ROBO2: variants seen among roughly 807,000 people sequenced by gnomAD.
ROBO2 encodes the protein roundabout homolog 2.
In ROBO2, 53 loss-of-function variants were observed where a neutral mutation model predicts 160.8. The observed-to-expected ratio is 0.33, with a 90% confidence interval of 0.26 to 0.41. The LOEUF (loss-of-function observed/expected upper bound fraction) is 0.41, where lower values mean the gene tolerates loss of function less well. Ranked by LOEUF, ROBO2 falls within the 10% of genes least tolerant of loss-of-function variation. ROBO2 has a pLI of 1.00. For synonymous variants in ROBO2, 664 were observed against 611.7 expected, an observed-to-expected ratio of 1.09 and a Z score of -1.26; for missense variants, 1,577 against 1,722.4, an observed-to-expected ratio of 0.92 and a Z score of 1.49.
chr3:76,331,938 C>A (rs1405266991), intron 2 of ROBO2, among the ~76,000 whole-genome samples: 2 of 152,062 alleles, frequency 1.3e-5, no homozygotes, highest in Admixed American at 6.5e-5. Context: ...CCCAGCTCGA[C>A]CTCCCAAAAT....
At chr3:76,457,250 A>G (rs185799287) in intron 2 of ROBO2, among the ~76,000 whole-genome samples, 3 of 152,318 alleles carry the variant, frequency 2.0e-5, no homozygotes, top group Non-Finnish European at 4.4e-5. Flanking sequence ...TACTTAAACA[A>G]TGGAGGTACA....
intron 2 of ROBO2, among the ~76,000 whole-genome samples, chr3:76,308,800 T>G (rs2071439008): frequency 6.6e-6 from 1 of 152,202 alleles, no homozygotes; most frequent in African/African-American, 2.4e-5. Context: ...CATTTCAATT[T>G]CCCCATCAGA....
intron 2 of ROBO2, among the ~76,000 whole-genome samples, chr3:76,144,799 A>T (rs1415450321): frequency 6.6e-6 from 1 of 152,016 alleles, no homozygotes; most frequent in African/African-American, 2.4e-5. Flanking sequence ...GACACGAAAT[A>T]TTGAATGTAC....
At chr3:77,043,078 C>T (rs535700983) in intron 1 of ROBO2, among the ~76,000 whole-genome samples, 21 of 152,258 alleles carry the variant, frequency 1.4e-4, no homozygotes, top group Admixed American at 1.0e-3. Context: ...AGTTTCTCCA[C>T]GGGGATGGTT....
At chr3:77,313,916 A>T (rs113090292) in intron 2 of ROBO2, among the ~76,000 whole-genome samples, 3 of 152,254 alleles carry the variant, frequency 2.0e-5, no homozygotes, top group African/African-American at 7.2e-5. Flanking sequence ...ATTTATTTTT[A>T]AAAAAGGTCT....
intron 21 of ROBO2, among the ~76,000 whole-genome samples, chr3:77,612,868 G>T (rs1006658378): frequency 6.6e-6 from 1 of 152,100 alleles, no homozygotes; most frequent in Non-Finnish European, 1.5e-5. Context: ...CAGGAGAATG[G>T]CGTGAACTTG....
chr3:75,915,868 C>T (rs374515444), intron 1 of ROBO2, among the ~76,000 whole-genome samples: 6 of 152,244 alleles, frequency 3.9e-5, no homozygotes, highest in African/African-American at 1.4e-4. Context: ...AGTAATTTCA[C>T]ACACTACATT....
intron 2 of ROBO2, among the ~76,000 whole-genome samples, chr3:77,293,605 G>C (rs1363945510): frequency 1.4e-5 from 2 of 144,860 alleles, no homozygotes; most frequent in African/African-American, 5.4e-5. Context: ...GATCACCCCA[G>C]ACACAAAGTA....
chr3:77,584,328 G>A (rs1463904868), intron 16 of ROBO2, among the ~76,000 whole-genome samples: 2 of 152,062 alleles, frequency 1.3e-5, no homozygotes, highest in Non-Finnish European at 2.9e-5. Context: ...CTGGTAAAGC[G>A]CCGTTCATTC....
At chr3:76,233,414 G>GA (rs1470873778) in intron 2 of ROBO2, among the ~76,000 whole-genome samples, 1 of 152,130 alleles carries the variant, frequency 6.6e-6, no homozygotes, top group Non-Finnish European at 1.5e-5. Context: ...AAGCTGCTGG[G>GA]ATGACAGTTG....
At chr3:76,109,679 T>A (rs1172430707) in intron 2 of ROBO2, among the ~76,000 whole-genome samples, 5 of 152,058 alleles carry the variant, frequency 3.3e-5, no homozygotes, top group African/African-American at 4.8e-5. Flanking sequence ...TTTTTTTATT[T>A]TTATGGATTT....
intron 6 of ROBO2, among the ~76,000 whole-genome samples, chr3:77,534,957 G>A (rs1306813649): frequency 2.0e-5 from 3 of 152,150 alleles, no homozygotes; most frequent in South Asian, 4.1e-4. Flanking sequence ...GTTTATGCAA[G>A]CAGCTTTAAA....
intron 13 of ROBO2, among the ~76,000 whole-genome samples, chr3:77,570,717 T>C (rs1289318432): frequency 2.6e-5 from 4 of 152,034 alleles, no homozygotes; most frequent in African/African-American, 7.2e-5. Context: ...GATGTAATAT[T>C]TTTGATTTAC....
At chr3:76,621,878 A>G (rs2089114126) in intron 2 of ROBO2, among the ~76,000 whole-genome samples, 1 of 152,198 alleles carries the variant, frequency 6.6e-6, no homozygotes, top group Admixed American at 6.5e-5. Flanking sequence ...ATTATGATGA[A>G]CTGCTTGTCA....
intron 2 of ROBO2, among the ~76,000 whole-genome samples, chr3:76,899,654 A>G (rs1377448639): frequency 2.0e-5 from 3 of 152,162 alleles, no homozygotes; most frequent in African/African-American, 7.2e-5. Flanking sequence ...CATTTATTGA[A>G]TACCTCTTGA....
intron 8 of ROBO2, among the ~76,000 whole-genome samples, chr3:77,557,377 A>G (rs988369235): frequency 6.6e-6 from 1 of 151,954 alleles, no homozygotes; most frequent in African/African-American, 2.4e-5. Context: ...TCATGTCACA[A>G]TTTTGGAAGG....
chr3:76,919,172 ATG>A (rs563120691), intron 2 of ROBO2, among the ~76,000 whole-genome samples: 100 of 152,274 alleles, frequency 6.6e-4, no homozygotes, highest in Middle Eastern at 3.4e-3. Context: ...CATTCTGCAC[ATG>A]TACCCCGGAA....
intron 2 of ROBO2, among the ~76,000 whole-genome samples, chr3:76,568,110 C>A (rs904899011): frequency 2.6e-5 from 4 of 151,540 alleles, no homozygotes; most frequent in African/African-American, 9.7e-5. Context: ...CCACTGCACC[C>A]TGCTTACATA....
At chr3:76,108,843 G>A (rs1010946075) in intron 2 of ROBO2, among the ~76,000 whole-genome samples, 6 of 150,534 alleles carry the variant, frequency 4.0e-5, no homozygotes, top group Non-Finnish European at 8.9e-5. Flanking sequence ...AGTCTAATGA[G>A]GTTACATACA....
Sources: allele counts gnomAD v4.1 joint callset (sites outside exome capture counted in the v4.1 genomes callset), GRCh38; gene constraint gnomAD v4.1.1; transcripts MANE v1.5; gene names NCBI Gene and HGNC (gene_info 2026-07-23, HGNC 2026-07-21).